PAK5: variants seen among roughly 807,000 people sequenced by gnomAD.
PAK5 encodes the protein serine/threonine-protein kinase PAK 5.
Under a neutral mutation model 65.9 loss-of-function variants are expected in PAK5, and 16 were observed. That is an observed-to-expected ratio of 0.24 (90% CI 0.16 to 0.37). The LOEUF (loss-of-function observed/expected upper bound fraction) is 0.37. Ranked by LOEUF, PAK5 falls within the 10% of genes least tolerant of loss-of-function variation. The pLI is 1.00. For missense variants in PAK5, 785 were observed against 903.9 expected, an observed-to-expected ratio of 0.87 and a Z score of 1.69; for synonymous variants, 371 against 354.9, an observed-to-expected ratio of 1.05 and a Z score of -0.51.
At chr20:9,553,990 T>C (rs1302685257) in intron 7 of PAK5, among the ~76,000 whole-genome samples, 4 of 152,222 alleles carry the variant, frequency 2.6e-5, no homozygotes, top group Non-Finnish European at 5.9e-5. Context: ...ATAAGTGTTG[T>C]TATCACTATT....
chr20:9,596,176 G>C (rs917704668), intron 3 of PAK5, among the ~76,000 whole-genome samples: 2 of 152,070 alleles, frequency 1.3e-5, no homozygotes, highest in African/African-American at 4.8e-5. Flanking sequence ...TATTTAAGTA[G>C]TCCTCAGCAA....
At chr20:9,739,689 T>A (rs2048430200) in intron 1 of PAK5, among the ~76,000 whole-genome samples, 1 of 152,172 alleles carries the variant, frequency 6.6e-6, no homozygotes, top group Non-Finnish European at 1.5e-5. Flanking sequence ...GACTGAATAA[T>A]CAAACTTTTT....
At chr20:9,599,975 G>A (rs1264805530) in intron 3 of PAK5, among the ~76,000 whole-genome samples, 1 of 151,928 alleles carries the variant, frequency 6.6e-6, no homozygotes, top group Non-Finnish European at 1.5e-5. Flanking sequence ...AAGTTTTATA[G>A]TTTTAACTTC....
chr20:9,541,489 T>C (rs1476984482), intron 9 of PAK5, among the ~76,000 whole-genome samples: 3 of 152,190 alleles, frequency 2.0e-5, no homozygotes, highest in Admixed American at 6.5e-5. Flanking sequence ...TGCCCATCTC[T>C]CTGACAAGAC....
At chr20:9,736,703 T>C (rs565018478) in intron 1 of PAK5, among the ~76,000 whole-genome samples, 6 of 152,336 alleles carry the variant, frequency 3.9e-5, no homozygotes, top group South Asian at 4.1e-4. Flanking sequence ...TGGTTTACGA[T>C]GATCAGAAGT....
intron 1 of PAK5, among the ~76,000 whole-genome samples, chr20:9,819,200 C>T (rs534980083): frequency 6.6e-5 from 10 of 152,302 alleles, no homozygotes; most frequent in Middle Eastern, 3.4e-3. Flanking sequence ...ATTTCCCTCC[C>T]ATTAAGTAAG....
rs756890556 is a variant in PAK5, at chr20:9,580,429, G to A, written c.706C>T (p.Pro236Ser). The change falls in exon 4 of 10, where the codon CCT (proline) becomes TCT (serine). Residue 236 changes from proline to serine, a missense_variant. Pro to Ser is a moderately conservative substitution (Grantham distance 74). This residue lies in a region of PAK5 where 422 missense variants were observed against 413.3 expected (regional missense o/e 1.02). Transcript: ENST00000353224. ...CCGCTGGTCCCTGCAGTTCTAGAAG[G>A]TGTGAATTGGAATGAATAATCCAGA... ...SPLDYSFQFT[P>S]SRTAGTSGCS... 4 of 1,614,066 alleles carry A rather than the reference G, an allele frequency of 2.5e-6. No individual in the cohort carries two copies. The South Asian group carries it at 4.4e-5, about 18-fold the overall frequency.
At chr20:9,819,051 GC>G (rs919719130) in intron 1 of PAK5, among the ~76,000 whole-genome samples, 5 of 152,088 alleles carry the variant, frequency 3.3e-5, no homozygotes, top group Admixed American at 6.6e-5. Flanking sequence ...GCATGAGAAA[GC>G]CAAAGAAAGA....
intron 1 of PAK5, among the ~76,000 whole-genome samples, chr20:9,755,379 A>G (rs919551786): frequency 4.6e-5 from 7 of 152,218 alleles, no homozygotes; most frequent in African/African-American, 1.4e-4. Context: ...CAATGAATAA[A>G]ACAGACTTAA....
At chr20:9,825,285 C>T (rs563324330) in intron 1 of PAK5, among the ~76,000 whole-genome samples, 116 of 152,308 alleles carry the variant, frequency 7.6e-4, no homozygotes, top group African/African-American at 1.8e-3. Context: ...CTAGGGACAA[C>T]TCTGGAATTT....
intron 6 of PAK5, among the ~76,000 whole-genome samples, chr20:9,558,393 A>G (rs2045543891): frequency 6.6e-6 from 1 of 152,026 alleles, no homozygotes; most frequent in Non-Finnish European, 1.5e-5. Flanking sequence ...GGGATTACAG[A>G]CAGGAGCCAC....
At chr20:9,617,846 C>CGT (rs1486001041) in intron 3 of PAK5, among the ~76,000 whole-genome samples, 2 of 152,048 alleles carry the variant, frequency 1.3e-5, no homozygotes, top group African/African-American at 4.8e-5. Context: ...TGAGCCACGA[C>CGT]GCCCGGCAAG....
At chr20:9,760,698 G>A (rs1242230819) in intron 1 of PAK5, among the ~76,000 whole-genome samples, 4 of 118,168 alleles carry the variant, frequency 3.4e-5, no homozygotes, top group Non-Finnish European at 6.6e-5. Context: ...TTTAGACAGA[G>A]TATTACTTTG....
chr20:9,742,863 G>C (rs761075294), intron 1 of PAK5, among the ~76,000 whole-genome samples: 2 of 152,214 alleles, frequency 1.3e-5, no homozygotes, highest in Non-Finnish European at 2.9e-5. Flanking sequence ...GGATGTCCCT[G>C]AGGATGCATT....
chr20:9,602,073 A>C (rs1474286456), intron 3 of PAK5, among the ~76,000 whole-genome samples: 2 of 152,108 alleles, frequency 1.3e-5, no homozygotes, highest in African/African-American at 2.4e-5. Flanking sequence ...CGGGAGGATC[A>C]CGAGGTCAAG....
chr20:9,595,721 T>C (rs766860392), intron 3 of PAK5, among the ~76,000 whole-genome samples: 7 of 152,178 alleles, frequency 4.6e-5, no homozygotes, highest in Admixed American at 3.9e-4. Flanking sequence ...GGCCCAGGAA[T>C]GTTCTTGAAG....
chr20:9,750,403 C>T (rs1294673276), intron 1 of PAK5, among the ~76,000 whole-genome samples: 8 of 152,024 alleles, frequency 5.3e-5, no homozygotes. Context: ...ATTGGAAAGC[C>T]AATGCAACAA....
intron 2 of PAK5, among the ~76,000 whole-genome samples, chr20:9,672,167 A>ACG (rs2047508854): frequency 6.6e-6 from 1 of 151,928 alleles, no homozygotes; most frequent in South Asian, 2.1e-4. Context: ...CTAGGAACTA[A>ACG]CGCATCAATT....
At chr20:9,600,857 G>C (rs78569814) in intron 3 of PAK5, among the ~76,000 whole-genome samples, 5,860 of 152,230 alleles carry the variant, frequency 0.038, 144 homozygotes, top group Middle Eastern at 0.085. Flanking sequence ...AGAACGGTTA[G>C]GGCCCATGCA....
Sources: allele counts gnomAD v4.1 joint callset (sites outside exome capture counted in the v4.1 genomes callset), GRCh38; gene constraint gnomAD v4.1.1; regional missense constraint gnomAD v4.1.1; transcripts MANE v1.5; gene names NCBI Gene and HGNC (gene_info 2026-07-23, HGNC 2026-07-21).